FSHR: variants seen among roughly 807,000 people sequenced by gnomAD.
FSHR encodes the protein follicle-stimulating hormone receptor.
A neutral mutation model predicts 52.1 loss-of-function variants in FSHR; 46 were observed. That is an observed-to-expected ratio of 0.88 (90% CI 0.70 to 1.13). FSHR has a LOEUF of 1.13. FSHR is among the 50% of genes most tolerant of loss of function. The pLI is 0.00. For synonymous variants in FSHR, 399 were observed against 309.6 expected (o/e 1.29, Z -3.03); for missense variants, 964 against 834.6 (o/e 1.16, Z -1.91).
chr2:49,109,909 CTAGAGA>C (rs1671364097), intron 1 of FSHR, among the ~76,000 whole-genome samples: 1 of 152,004 alleles, frequency 6.6e-6, no homozygotes, highest in Non-Finnish European at 1.5e-5. Flanking sequence ...TTTGATGGGA[CTAGAGA>C]TAAAGAGTAA....
intron 1 of FSHR, among the ~76,000 whole-genome samples, chr2:49,094,524 A>G (rs189819267): frequency 6.6e-6 from 1 of 152,176 alleles, no homozygotes; most frequent in Non-Finnish European, 1.5e-5. Flanking sequence ...ATTTTGAGAA[A>G]GCCTTATTTT....
intron 4 of FSHR, among the ~76,000 whole-genome samples, chr2:48,992,129 T>C (rs1188089722): frequency 6.6e-6 from 1 of 152,176 alleles, no homozygotes; most frequent in Non-Finnish European, 1.5e-5. Flanking sequence ...CCTTTGCTTT[T>C]TATCCAGGAA....
At chr2:49,041,495 G>C (rs988903126) in intron 2 of FSHR, among the ~76,000 whole-genome samples, 1 of 152,170 alleles carries the variant, frequency 6.6e-6, no homozygotes, top group African/African-American at 2.4e-5. Context: ...CTTCCTTCCA[G>C]ATACGTGCAT....
chr2:49,018,732 G>A (rs1160211051), intron 3 of FSHR, among the ~76,000 whole-genome samples: 1 of 152,138 alleles, frequency 6.6e-6, no homozygotes, highest in Non-Finnish European at 1.5e-5. Flanking sequence ...CAGAGGCAAC[G>A]AGGAAAAATG....
At chr2:49,151,947 T>A (rs1242449222) in intron 1 of FSHR, among the ~76,000 whole-genome samples, 2 of 152,182 alleles carry the variant, frequency 1.3e-5, no homozygotes, top group Admixed American at 1.3e-4. Flanking sequence ...TTTTCCTTTT[T>A]TAAAATCTAA....
intron 2 of FSHR, among the ~76,000 whole-genome samples, chr2:49,040,408 A>G (rs927575125): frequency 1.3e-5 from 2 of 152,064 alleles, no homozygotes; most frequent in Non-Finnish European, 2.9e-5. Context: ...CTTAATTTCT[A>G]TATAAGTTAC....
chr2:49,066,067 A>T (rs181946243), intron 2 of FSHR, among the ~76,000 whole-genome samples: 1 of 152,280 alleles, frequency 6.6e-6, no homozygotes, highest in African/African-American at 2.4e-5. Context: ...TTTTTGTCCA[A>T]ATAGCAAGTG....
intron 4 of FSHR, among the ~76,000 whole-genome samples, chr2:49,000,595 A>G (rs1426355583): frequency 1.3e-5 from 2 of 152,188 alleles, no homozygotes; most frequent in African/African-American, 2.4e-5. Flanking sequence ...TTAACCTCTC[A>G]TGCACATTGG....
chr2:49,127,805 CT>C (rs1672080481), intron 1 of FSHR, among the ~76,000 whole-genome samples: 1 of 55,558 alleles, frequency 1.8e-5, no homozygotes, highest in African/African-American at 7.7e-5. Context: ...TCTTCTTCTT[CT>C]TCTTCTTCTT....
At chr2:48,985,418 G>A (rs370714869) in intron 6 of FSHR, among the ~76,000 whole-genome samples, 2 of 23,806 alleles carry the variant, frequency 8.4e-5, no homozygotes, top group Admixed American at 4.6e-4. Flanking sequence ...GCACTGTAAC[G>A]CATATCACTC....
intron 1 of FSHR, among the ~76,000 whole-genome samples, chr2:49,132,370 CTCT>C (rs1209206883): frequency 1.3e-5 from 2 of 152,120 alleles, no homozygotes; most frequent in African/African-American, 4.8e-5. Context: ...GAAAATAAAT[CTCT>C]TCTTTCCCTT....
At chr2:49,051,784 T>G (rs1211143233) in intron 2 of FSHR, among the ~76,000 whole-genome samples, 1 of 143,968 alleles carries the variant, frequency 6.9e-6, no homozygotes, top group Non-Finnish European at 1.5e-5. Flanking sequence ...ATCCCCTGAT[T>G]GTAAAATATT....
intron 2 of FSHR, among the ~76,000 whole-genome samples, chr2:49,059,994 TCAAA>T (rs1195484632): frequency 6.6e-6 from 1 of 151,154 alleles, no homozygotes; most frequent in African/African-American, 2.4e-5. Flanking sequence ...TATAAGAAAC[TCAAA>T]CAAAAAAATA....
At chr2:49,007,273 C>G (rs1191788716) in intron 4 of FSHR, among the ~76,000 whole-genome samples, 2 of 152,060 alleles carry the variant, frequency 1.3e-5, no homozygotes, top group Non-Finnish European at 2.9e-5. Context: ...CAGAAGAGCC[C>G]TATAACCAAG....
chr2:49,110,472 A>G (rs1004959301), intron 1 of FSHR, among the ~76,000 whole-genome samples: 1 of 152,194 alleles, frequency 6.6e-6, no homozygotes, highest in African/African-American at 2.4e-5. Context: ...ACATCCACCG[A>G]TATTCCATAA....
intron 1 of FSHR, among the ~76,000 whole-genome samples, chr2:49,087,070 GT>G (rs56890721): frequency 3.1e-3 from 271 of 86,710 alleles, no homozygotes; most frequent in Middle Eastern, 9.8e-3. Flanking sequence ...TGTGGGCAGG[GT>G]TTTTTTTTTT....
In FSHR at chr2:49,150,543, A is replaced by G. The variant is rs76120380; in HGVS notation, c.152+3723T>C. On this transcript the variant is annotated intron_variant, in intron 1 of 9. Transcript: ENST00000406846. ...CATTGTCTCATGTAATCCTCATAGC[A>G]TCTCTGTCAGTTAGGCACACATGGT... 7.1e-3 allele frequency among the ~76,000 whole-genome samples: 1,077 copies of G among 152,184 alleles called. 13 individuals are homozygous for G. Among genetic ancestry groups the G allele is most frequent in the African/African-American group, 0.025 (1,038 of 41,520 alleles).
At chr2:49,096,680 G>A (rs189119566) in intron 1 of FSHR, among the ~76,000 whole-genome samples, 12 of 152,258 alleles carry the variant, frequency 7.9e-5, no homozygotes, top group Non-Finnish European at 1.5e-5. Flanking sequence ...GGCAACCATG[G>A]TGATATAGTT....
intron 9 of FSHR, among the ~76,000 whole-genome samples, chr2:48,965,308 A>T (rs146080062): frequency 1.3e-5 from 2 of 152,192 alleles, no homozygotes; most frequent in East Asian, 3.9e-4. Flanking sequence ...CTCTTCTCTC[A>T]CCCCTGGGAA....
Sources: gnomAD v4.1 joint callset for allele counts (sites outside exome capture counted in the v4.1 genomes callset) on GRCh38, gnomAD v4.1.1 for gene constraint, MANE v1.5 for transcripts, NCBI Gene and HGNC (gene_info 2026-07-23, HGNC 2026-07-21) for gene names.